The following DOCK3 variants were observed in gnomAD, a reference collection of about 807,000 sequenced individuals.
DOCK3 encodes dedicator of cytokinesis protein 3.
Under a neutral mutation model 265.6 loss-of-function variants are expected in DOCK3, and 60 were observed. The ratio of observed to expected loss-of-function variants is 0.23; its 90% CI spans 0.18 to 0.28. DOCK3 has a LOEUF of 0.28. Ranked by LOEUF, DOCK3 falls within the 10% of genes least tolerant of loss-of-function variation. The pLI, the probability that DOCK3 is intolerant of heterozygous loss-of-function variation, is 1.00. For missense variants in DOCK3, 1,981 were observed against 2,594.3 expected (o/e 0.76, Z 5.14); for synonymous variants, 881 against 938.0 (o/e 0.94, Z 1.11).
At chr3:51,138,874 A>G (rs1049577445) in intron 9 of DOCK3, among the ~76,000 whole-genome samples, 6 of 152,204 alleles carry the variant, frequency 3.9e-5, no homozygotes, top group Admixed American at 2.6e-4. Context: ...ACATTATCAG[A>G]TAATTGGGGA....
At chr3:50,776,288 A>G (rs775378620) in intron 1 of DOCK3, among the ~76,000 whole-genome samples, 2 of 151,988 alleles carry the variant, frequency 1.3e-5, no homozygotes, top group Non-Finnish European at 2.9e-5. Context: ...ATTCTTGCAG[A>G]AGGTGGTGTC....
At chr3:50,689,560 T>C (rs1245582162) in intron 1 of DOCK3, among the ~76,000 whole-genome samples, 1 of 152,148 alleles carries the variant, frequency 6.6e-6, no homozygotes, top group East Asian at 1.9e-4. Flanking sequence ...ACCAGGTCCC[T>C]CCCACGACAC....
At chr3:50,892,496 C>G (rs527418625) in intron 4 of DOCK3, among the ~76,000 whole-genome samples, 1 of 152,152 alleles carries the variant, frequency 6.6e-6, no homozygotes, top group Non-Finnish European at 1.5e-5. Context: ...GTCCCTTCTC[C>G]CAGCTGGTTA....
intron 2 of DOCK3, among the ~76,000 whole-genome samples, chr3:50,810,742 T>C (rs957071550): frequency 6.6e-5 from 10 of 152,190 alleles, no homozygotes; most frequent in African/African-American, 2.2e-4. Context: ...TCCATATTGA[T>C]TCCATTTATA....
At chr3:51,338,899 A>G in intron 36 of DOCK3, 36 bp from the exon 37 acceptor site, 3 of 1,540,236 alleles carry the variant, frequency 1.9e-6, no homozygotes, top group Non-Finnish European at 1.8e-6. Context: ...TGGCTTCCAC[A>G]GGTAGTTGAC....
intron 5 of DOCK3, among the ~76,000 whole-genome samples, chr3:50,970,948 A>ATATAATGTG (rs1559878922): frequency 3.9e-5 from 2 of 51,758 alleles, no homozygotes; most frequent in African/African-American, 1.7e-4. Flanking sequence ...TATATATATA[A>ATATAATGTG]TGTGTGTGTG....
At chr3:51,167,684 C>T (rs192203759) in intron 12 of DOCK3, among the ~76,000 whole-genome samples, 114 of 151,750 alleles carry the variant, frequency 7.5e-4, no homozygotes, top group Non-Finnish European at 1.4e-3. Flanking sequence ...TAAATTATTC[C>T]TAAATATTAT....
At chr3:51,016,545 AT>A (rs1428560796) in intron 5 of DOCK3, among the ~76,000 whole-genome samples, 1,783 of 18,302 alleles carry the variant, frequency 0.097, 294 homozygotes, top group African/African-American at 0.38. Flanking sequence ...TGATATATAT[AT>A]TTATATATAT....
chr3:50,918,468 A>T (rs972469352), intron 4 of DOCK3, among the ~76,000 whole-genome samples: 2 of 152,048 alleles, frequency 1.3e-5, no homozygotes, highest in African/African-American at 2.4e-5. Flanking sequence ...GGTGTGAGAT[A>T]GTATCTCATT....
intron 1 of DOCK3, among the ~76,000 whole-genome samples, chr3:50,702,927 T>TA (rs2036148343): frequency 6.6e-6 from 1 of 152,196 alleles, no homozygotes; most frequent in Admixed American, 6.5e-5. Context: ...GTCCAGATTT[T>TA]AAGGAAAAGC....
intron 3 of DOCK3, among the ~76,000 whole-genome samples, chr3:50,851,304 G>A (rs147932466): frequency 9.9e-5 from 15 of 152,196 alleles, no homozygotes; most frequent in African/African-American, 3.4e-4. Context: ...GCCAAACCAG[G>A]CAAGCAGGTG....
intron 41 of DOCK3, 64 bp from the exon 42 acceptor site, chr3:51,356,025 A>G: frequency 6.2e-7 from 1 of 1,601,938 alleles, no homozygotes; most frequent in East Asian, 2.2e-5. Context: ...TGAGGAGATG[A>G]CAGGGGTCAG....
At chr3:51,017,486 G>T (rs1375757762) in intron 5 of DOCK3, among the ~76,000 whole-genome samples, 1 of 151,600 alleles carries the variant, frequency 6.6e-6, no homozygotes, top group Non-Finnish European at 1.5e-5. Context: ...TTTTAGACAT[G>T]GGTACTTGTA....
chr3:51,164,902 T>C (rs1289249405), intron 12 of DOCK3, among the ~76,000 whole-genome samples: 4 of 151,160 alleles, frequency 2.6e-5, no homozygotes, highest in Non-Finnish European at 5.9e-5. Flanking sequence ...ATAACCATCC[T>C]ATCCACGAAA....
intron 19 of DOCK3, among the ~76,000 whole-genome samples, chr3:51,231,071 A>G (rs73072561): frequency 0.011 from 1,669 of 149,742 alleles, 20 homozygotes; most frequent in Admixed American, 0.016. Context: ...CCAACAAGGT[A>G]TAAGAGTTCC....
intron 5 of DOCK3, among the ~76,000 whole-genome samples, chr3:50,985,979 G>A (rs2077887541): frequency 6.6e-6 from 1 of 151,528 alleles, no homozygotes; most frequent in Non-Finnish European, 1.5e-5. Context: ...TTTTCTGCTA[G>A]GCATTCTACC....
intron 4 of DOCK3, among the ~76,000 whole-genome samples, chr3:50,917,505 AT>A (rs2050191788): frequency 6.6e-6 from 1 of 151,994 alleles, no homozygotes; most frequent in African/African-American, 2.4e-5. Context: ...TTATCATTGT[AT>A]TTTTAAGGAT....
intron 4 of DOCK3, among the ~76,000 whole-genome samples, chr3:50,933,644 T>C (rs1031434684): frequency 1.3e-5 from 2 of 152,062 alleles, no homozygotes; most frequent in Non-Finnish European, 2.9e-5. Context: ...ATAAATAATT[T>C]AAAAAAACTA....
Position 51,162,721 on chromosome 3 carries a change from A to G in DOCK3, c.1037+2019A>G, listed in dbSNP as rs112987805. Among the ~76,000 whole-genome samples the G allele has an allele frequency of 2.8e-4, 42 of 152,338 alleles. No homozygotes were observed. The Middle Eastern group carries it at 0.01, about 37-fold the overall frequency. Reference sequence around the variant, plus strand: ...CTTGCACAGCATTCCTCCTGAAATCATGCTGTCAGGCTTAATTGGCCTAAT... The same window carrying G: ...CTTGCACAGCATTCCTCCTGAAATCGTGCTGTCAGGCTTAATTGGCCTAAT... On this transcript the variant is annotated intron_variant, in intron 12 of 52. Transcript: ENST00000266037.
Sources: allele counts gnomAD v4.1 joint callset (sites outside exome capture counted in the v4.1 genomes callset), GRCh38; gene constraint gnomAD v4.1.1; transcripts MANE v1.5; gene names NCBI Gene and HGNC (gene_info 2026-07-23, HGNC 2026-07-21).